Variants in SYN2 observed in about 807,000 individuals in gnomAD.
SYN2 encodes the protein synapsin II, also known as synapsin-2.
In SYN2, 19 loss-of-function variants were observed where a neutral mutation model predicts 50.9. The observed-to-expected ratio is 0.37, with a 90% CI of 0.26 to 0.55. The LOEUF is 0.55. SYN2 is among the 20% of genes least tolerant of loss of function. The pLI, the probability that SYN2 is intolerant of heterozygous loss-of-function variation, is 0.81. For synonymous variants in SYN2, 255 were observed against 224.9 expected, an observed-to-expected ratio of 1.13 and a Z score of -1.20; for missense variants, 587 against 576.4, an observed-to-expected ratio of 1.02 and a Z score of -0.19.
chr3:12,022,462 C>T (rs1694162290), intron 1 of SYN2, among the ~76,000 whole-genome samples: 1 of 152,076 alleles, frequency 6.6e-6, no homozygotes, highest in African/African-American at 2.4e-5. Flanking sequence ...GGCTGGAGTG[C>T]AGTGGCGCGA....
intron 8 of SYN2, 110 bp downstream of exon 8, chr3:12,167,418 A>C: frequency 8.9e-7 from 1 of 1,120,018 alleles, no homozygotes. Flanking sequence ...AGCAAACCGG[A>C]CAGATAAAAC....
chr3:12,190,663 A>G lies in SYN2; in HGVS notation c.*38A>G, dbSNP rs1159073334. The G allele has an allele frequency of 3.1e-6, 5 of 1,603,162 alleles. No individual in the cohort carries two copies. The African/African-American group carries it at 4.0e-5, about 13-fold the overall frequency. On this transcript the variant is annotated 3_prime_UTR_variant, in exon 13 of 13. Transcript: ENST00000621198. The stretch of plus-strand genomic sequence containing the variant: ...ACGGGGCACCCAGCCCAACCGGGAA[A>G]GGCATCTAAGACATTCACCAACAAC...
intron 4 of SYN2, among the ~76,000 whole-genome samples, chr3:12,146,149 T>C (rs1369649743): frequency 6.6e-6 from 1 of 152,210 alleles, no homozygotes; most frequent in Admixed American, 6.5e-5. Context: ...AAGAAGCCCT[T>C]ATAGGTCTGT....
At chr3:12,040,869 C>T (rs933971938) in intron 1 of SYN2, among the ~76,000 whole-genome samples, 2 of 151,998 alleles carry the variant, frequency 1.3e-5, no homozygotes, top group Non-Finnish European at 2.9e-5. Context: ...GTTTTCTTGC[C>T]CATTTGGAGT....
chr3:12,166,728 T>C (rs1269124496), intron 7 of SYN2, among the ~76,000 whole-genome samples: 1 of 152,160 alleles, frequency 6.6e-6, no homozygotes. Context: ...TTGGAAGATA[T>C]TCATAAAGAA....
chr3:12,144,084 A>C (rs1048706859), intron 3 of SYN2, among the ~76,000 whole-genome samples: 3 of 152,140 alleles, frequency 2.0e-5, no homozygotes, highest in Admixed American at 6.6e-5. Flanking sequence ...GTGCCTTGGG[A>C]GTAGATGCTG....
At chr3:12,073,978 C>T (rs1000367348) in intron 1 of SYN2, among the ~76,000 whole-genome samples, 4 of 152,116 alleles carry the variant, frequency 2.6e-5, no homozygotes, top group African/African-American at 9.7e-5. Context: ...ATCAGTTTCT[C>T]CTTGTAAATC....
chr3:12,169,782 T>C lies in SYN2; in HGVS notation c.1184T>C (p.Ile395Thr). Residue 395 changes from isoleucine (I) to threonine (T), a missense_variant, in exon 10 of 13, where the codon ATT becomes ACT. Physicochemically the swap from Ile to Thr is moderately conservative, Grantham distance 89. Coordinates refer to ENST00000621198, the MANE Select transcript of SYN2 (RefSeq NM_133625.6). Reference protein sequence around the residue: ...FEVMDCSMPLIGEHQVEDRQL... With the variant: ...FEVMDCSMPLTGEHQVEDRQL... Reference sequence around the variant, plus strand: ...GTCATGGACTGTAGCATGCCACTGATTGGGGAACATCAGGTGGAGGACAGG... The same window carrying C: ...GTCATGGACTGTAGCATGCCACTGACTGGGGAACATCAGGTGGAGGACAGG... The C allele has an allele frequency of 6.2e-7, 1 of 1,613,986 alleles. No homozygotes were observed. Among genetic ancestry groups the C allele is most frequent in the Middle Eastern group, 1.7e-4 (1 of 6,060 alleles).
intron 1 of SYN2, among the ~76,000 whole-genome samples, chr3:12,122,645 C>CT (rs1696586108): frequency 6.6e-6 from 1 of 152,068 alleles, no homozygotes; most frequent in African/African-American, 2.4e-5. Flanking sequence ...AAAATGCTTC[C>CT]TTTGAGAATT....
At chr3:12,053,459 TATATAG>T (rs1694915573) in intron 1 of SYN2, among the ~76,000 whole-genome samples, 1 of 151,840 alleles carries the variant, frequency 6.6e-6, no homozygotes, top group South Asian at 2.1e-4. Flanking sequence ...CAAAAAAATA[TATATAG>T]ATATGATTCT....
chr3:12,069,438 G>A (rs1165574626), intron 1 of SYN2, among the ~76,000 whole-genome samples: 8 of 151,900 alleles, frequency 5.3e-5, no homozygotes, highest in Non-Finnish European at 7.4e-5. Context: ...TAGTAGAGAC[G>A]GGGTTTCACC....
intron 1 of SYN2, among the ~76,000 whole-genome samples, chr3:12,076,396 T>C (rs1695468395): frequency 1.3e-5 from 2 of 152,054 alleles, no homozygotes; most frequent in South Asian, 4.1e-4. Context: ...TATATTTCTT[T>C]TCTCAGGCTG....
chr3:12,057,285 G>GTC (rs1370690015), intron 1 of SYN2, among the ~76,000 whole-genome samples: 1,230 of 88,288 alleles, frequency 0.014, 18 homozygotes, highest in African/African-American at 0.039. Context: ...AGGCAAGACT[G>GTC]TCTGTGTGTG....
intron 1 of SYN2, among the ~76,000 whole-genome samples, chr3:12,040,352 T>G (rs113999874): frequency 5.5e-4 from 83 of 151,698 alleles, no homozygotes; most frequent in African/African-American, 1.9e-3. Flanking sequence ...TCCTGCATAG[T>G]GATTACTTCT....
chr3:12,191,121 C>G lies in SYN2; in HGVS notation c.*496C>G. Reference sequence around the variant, plus strand: ...CCCCGACCTGGATCCCTTGTCATACCTGTGTTACTGTTTAAAGCACACCCA... The same window carrying G: ...CCCCGACCTGGATCCCTTGTCATACGTGTGTTACTGTTTAAAGCACACCCA... On this transcript the variant is annotated 3_prime_UTR_variant, in exon 13 of 13. Transcript: ENST00000621198. 9 of 986,402 alleles carry G rather than the reference C, an allele frequency of 9.1e-6. 1 individual carries two copies. The highest frequency in any genetic ancestry group is 1.1e-5 in the Non-Finnish European group (9 of 830,622). 61.1% of individuals were successfully genotyped at this position (986,402 alleles called of 1,614,324 possible). A position where few individuals can be genotyped will look rare whatever the true frequency, so the allele number is the denominator to read the frequency against.
At chr3:12,154,492 TCTC>T in intron 5 of SYN2, 1 of 1,607,648 alleles carries the variant, frequency 6.2e-7, no homozygotes, top group Non-Finnish European at 8.5e-7. Context: ...TCAGGATTCT[TCTC>T]CTGGAGCCCC....
chr3:12,080,452 C>T lies in SYN2; in HGVS notation c.378-60199C>T, dbSNP rs374459530. ...GATGTGGGCATTAATGCTATAAATT[C>T]GCCTTTTAACCCTGTTTTAACTGTG... On this transcript the variant is annotated intron_variant, in intron 1 of 12. Transcript: ENST00000621198. Among the ~76,000 whole-genome samples, 38 of 151,762 alleles carry T rather than the reference C, an allele frequency of 2.5e-4. 1 individual carries two copies. In the South Asian group the frequency reaches 7.7e-3, roughly 31 times the overall value.
At chr3:12,182,522 G>A (rs866740212) in intron 10 of SYN2, among the ~76,000 whole-genome samples, 7 of 152,204 alleles carry the variant, frequency 4.6e-5, no homozygotes, top group Middle Eastern at 3.2e-3. Context: ...GCATGGGATC[G>A]GAGCCATGCT....
intron 1 of SYN2, among the ~76,000 whole-genome samples, chr3:12,025,845 A>G (rs1357900930): frequency 1.3e-5 from 2 of 152,132 alleles, no homozygotes; most frequent in African/African-American, 4.8e-5. Flanking sequence ...AGACTGTCTC[A>G]AGGTAGATAT....
Sources: gnomAD v4.1 joint callset for allele counts (sites outside exome capture counted in the v4.1 genomes callset) on GRCh38, gnomAD v4.1.1 for gene constraint, MANE v1.5 for transcripts, NCBI Gene and HGNC (gene_info 2026-07-23, HGNC 2026-07-21) for gene names.